TG: variants seen among roughly 807,000 people sequenced by gnomAD.
The protein encoded by TG is thyroid hormones.
In TG, 270 loss-of-function variants were observed where a neutral mutation model predicts 324.7. The observed-to-expected ratio is 0.83, with a 90% CI of 0.75 to 0.92. The LOEUF (loss-of-function observed/expected upper bound fraction) is 0.92. Among genes scored for constraint, TG ranks in the 40% least tolerant of loss-of-function variants. The pLI is 0.00. For missense variants in TG, 3,591 were observed against 3,456.4 expected (o/e 1.04, Z -0.98); for synonymous variants, 1,401 against 1,327.0 (o/e 1.06, Z -1.21).
chr8:133,112,315 T>A (rs1458788608), intron 43 of TG, among the ~76,000 whole-genome samples: 1 of 152,234 alleles, frequency 6.6e-6, no homozygotes, highest in East Asian at 1.9e-4. Context: ...ACCGTTTACA[T>A]AAGGTCCTAG....
At chr8:132,867,206 TC>T (rs199857464) in intron 1 of TG, 139 bp downstream of exon 1, 588 of 767,442 alleles carry the variant, frequency 7.7e-4, no homozygotes, top group East Asian at 7.3e-3. Flanking sequence ...TTTTTTTTTT[TC>T]AGATGAAGAG....
intron 41 of TG, among the ~76,000 whole-genome samples, chr8:133,041,456 A>T (rs1472767340): frequency 6.6e-6 from 1 of 152,198 alleles, no homozygotes; most frequent in Non-Finnish European, 1.5e-5. Context: ...GAGAAATGGG[A>T]GGTGAGACCA....
intron 40 of TG, among the ~76,000 whole-genome samples, chr8:133,023,219 A>C (rs2130947362): frequency 6.6e-6 from 1 of 152,362 alleles, no homozygotes; most frequent in Admixed American, 6.5e-5. Flanking sequence ...GGATGCTGCT[A>C]AGAAGATTCT....
At chr8:133,050,356 A>G (rs554484389) in intron 41 of TG, 9 of 288,146 alleles carry the variant, frequency 3.1e-5, no homozygotes, top group African/African-American at 1.9e-4. Context: ...ATCAGTGAAG[A>G]TCTAAATAAA....
chr8:133,095,739 G>C (rs1232139470), intron 42 of TG, among the ~76,000 whole-genome samples: 2 of 152,224 alleles, frequency 1.3e-5, no homozygotes, highest in African/African-American at 4.8e-5. Flanking sequence ...ACATTAGCAG[G>C]AATAATTGTC....
chr8:132,903,497 A>G (rs1214891853), intron 16 of TG, among the ~76,000 whole-genome samples: 1 of 152,214 alleles, frequency 6.6e-6, no homozygotes, highest in Non-Finnish European at 1.5e-5. Context: ...AAGCTGAGAG[A>G]TTTAATATAG....
At chr8:133,036,561 T>G (rs1481011863) in intron 41 of TG, among the ~76,000 whole-genome samples, 1 of 152,208 alleles carries the variant, frequency 6.6e-6, no homozygotes, top group South Asian at 2.1e-4. Context: ...AATCTGCTTT[T>G]TCTTAAGGTC....
chr8:133,077,502 T>C (rs147551617), intron 41 of TG, among the ~76,000 whole-genome samples: 267 of 152,270 alleles, frequency 1.8e-3, no homozygotes, highest in Non-Finnish European at 2.0e-3. Context: ...TTAGTAGGTT[T>C]GAGAAAGTGT....
chr8:132,908,093 T>C (rs1818943572), intron 17 of TG, 93 bp from the exon 18 acceptor site: 2 of 1,468,598 alleles, frequency 1.4e-6, no homozygotes, highest in Non-Finnish European at 1.9e-6. Flanking sequence ...TTGAGCTCAA[T>C]GAGGAAGGGT....
chr8:132,901,449 C>T lies in TG; in HGVS notation c.3530C>T (p.Ser1177Phe), dbSNP rs1393390714. ...PACRAEDGGF[S>F]PVQCDQAQGS... ...TGCAGGGCAGAGGATGGGGGCTTTT[C>T]CCCAGTGCAATGTGACCAGGCCCAG... The change falls in exon 16 of 48, where the codon TCC becomes TTC. Residue 1177 changes from serine to phenylalanine, a missense_variant. Coordinates refer to ENST00000220616, the MANE Select transcript of TG (RefSeq NM_003235.5). 3 of 1,614,234 alleles carry T rather than the reference C, an allele frequency of 1.9e-6. No homozygotes were observed. The highest frequency in any genetic ancestry group is 4.5e-5 in the East Asian group (2 of 44,886).
At chr8:132,972,251 C>A in intron 33 of TG, 1 of 457,090 alleles carries the variant, frequency 2.2e-6, no homozygotes, top group Non-Finnish European at 4.0e-6. Flanking sequence ...CACTTAATCT[C>A]CCTGAGCCTC....
Position 133,095,163 on chromosome 8 carries a change from C to A in TG, c.7359C>A (p.Cys2453Ter). 1 of 1,614,216 alleles carries A rather than the reference C, an allele frequency of 6.2e-7. No homozygotes were observed. The highest frequency in any genetic ancestry group is 1.1e-5 in the South Asian group (1 of 91,090). ...CATCCAGCCAAGAAGTGGTGTCCTG[C>A]CTCCGCCAGAAGCCTGCCAATGTCC... ...PMSSSQEVVS[C>*]LRQKPANVLN... Residue 2453 changes from cysteine (C) to a stop codon, truncating the protein, a stop_gained, in exon 42 of 48, where the codon TGC (cysteine) becomes TGA (stop). Transcript: ENST00000220616. LOFTEE classifies it high-confidence loss of function.
chr8:133,031,314 C>T (rs1018279617), intron 41 of TG, among the ~76,000 whole-genome samples: 1 of 152,172 alleles, frequency 6.6e-6, no homozygotes, highest in Non-Finnish European at 1.5e-5. Flanking sequence ...CTTTTTATGG[C>T]TGCATAATAT....
chr8:132,935,135 CTCTT>C (rs1293446014), intron 24 of TG, among the ~76,000 whole-genome samples: 101 of 135,938 alleles, frequency 7.4e-4, no homozygotes, highest in Middle Eastern at 8.1e-3. Context: ...ATCTGGCAAA[CTCTT>C]TTTTTTTTTT....
chr8:133,088,646 C>T lies in TG; in HGVS notation c.7240-6398C>T, dbSNP rs187982472. On this transcript the variant is annotated intron_variant, in intron 41 of 47. Transcript: ENST00000220616. Reference sequence around the variant, plus strand: ...CTGCTTTCCTTTAAGTAAACACACACGCACTTTTTATACAAAAAAGAAGGA... The same window carrying T: ...CTGCTTTCCTTTAAGTAAACACACATGCACTTTTTATACAAAAAAGAAGGA... 1.1e-4 allele frequency among the ~76,000 whole-genome samples: 16 copies of T among 152,294 alleles called. 1 individual carries two copies. The East Asian group carries it at 2.3e-3, about 22-fold the overall frequency.
intron 41 of TG, among the ~76,000 whole-genome samples, chr8:133,071,568 G>T (rs865994511): frequency 6.6e-6 from 1 of 152,144 alleles, no homozygotes; most frequent in African/African-American, 2.4e-5. Flanking sequence ...ACACTCTGGT[G>T]CTTGGAACTT....
chr8:132,995,080 C>T, intron 35 of TG: 1 of 964,420 alleles, frequency 1.0e-6, no homozygotes, highest in Non-Finnish European at 1.2e-6. Flanking sequence ...CAGAAGGAGC[C>T]AGGCAAAAGC....
At chr8:132,921,786 G>A (rs770911368) in intron 21 of TG, among the ~76,000 whole-genome samples, 2 of 152,098 alleles carry the variant, frequency 1.3e-5, no homozygotes, top group African/African-American at 2.4e-5. Flanking sequence ...GTTTATTGAT[G>A]TATTAACTCA....
chr8:133,118,412 C>T (rs1464425485), intron 45 of TG, among the ~76,000 whole-genome samples: 2 of 151,086 alleles, frequency 1.3e-5, no homozygotes, highest in African/African-American at 4.9e-5. Flanking sequence ...GCAACCTCCA[C>T]CTCCCGGATT....
Sources: allele counts gnomAD v4.1 joint callset (sites outside exome capture counted in the v4.1 genomes callset), GRCh38; gene constraint gnomAD v4.1.1; transcripts MANE v1.5; gene names NCBI Gene and HGNC (gene_info 2026-07-23, HGNC 2026-07-21).